EXOSC7: variants seen among roughly 807,000 people sequenced by gnomAD.
The protein encoded by EXOSC7 is exosome complex component RRP42.
EXOSC7 carries 25 observed loss-of-function variants against 34.3 expected under a neutral mutation model. That is an observed-to-expected ratio of 0.73 (90% CI 0.53 to 1.02). The LOEUF (loss-of-function observed/expected upper bound fraction) is 1.02, where lower values mean the gene tolerates loss of function less well. Ranked by LOEUF, EXOSC7 falls within the 50% of genes least tolerant of loss-of-function variation. EXOSC7 has a pLI of 0.00. For missense variants in EXOSC7, 370 were observed against 368.5 expected, an observed-to-expected ratio of 1.00 and a Z score of -0.03; for synonymous variants, 130 against 143.0, an observed-to-expected ratio of 0.91 and a Z score of 0.65.
intron 3 of EXOSC7, among the ~76,000 whole-genome samples, chr3:44,995,564 G>A (rs554854378): frequency 1.1e-4 from 16 of 152,300 alleles, no homozygotes; most frequent in South Asian, 2.1e-4. Flanking sequence ...GAAACAGGTT[G>A]TGTTTTGCTG....
chr3:44,980,469 G>A (rs918095168), intron 1 of EXOSC7, among the ~76,000 whole-genome samples: 7 of 150,860 alleles, frequency 4.6e-5, no homozygotes, highest in African/African-American at 1.5e-4. Context: ...AACTGAGCTC[G>A]GGCAGGTTGA....
intron 1 of EXOSC7, among the ~76,000 whole-genome samples, chr3:44,976,617 C>T (rs1267029085): frequency 6.6e-6 from 1 of 152,182 alleles, no homozygotes; most frequent in Non-Finnish European, 1.5e-5. Context: ...AGAGCATCGG[C>T]CCCAGGGCCA....
intron 1 of EXOSC7, among the ~76,000 whole-genome samples, chr3:44,984,526 G>C (rs1706355448): frequency 6.6e-6 from 1 of 151,942 alleles, no homozygotes; most frequent in Non-Finnish European, 1.5e-5. Context: ...TGGCCAGCCA[G>C]TTCATCCTGT....
intron 1 of EXOSC7, among the ~76,000 whole-genome samples, chr3:44,980,886 C>T (rs183912079): frequency 4.0e-4 from 61 of 152,310 alleles, no homozygotes; most frequent in African/African-American, 1.3e-3. Flanking sequence ...GTATCATAAA[C>T]GATTTACTCT....
chr3:44,976,608 G>A (rs1488146301), intron 1 of EXOSC7, among the ~76,000 whole-genome samples: 1 of 152,204 alleles, frequency 6.6e-6, no homozygotes, highest in African/African-American at 2.4e-5. Context: ...CTTAGTGAGA[G>A]AGCATCGGCC....
intron 3 of EXOSC7, 69 bp downstream of exon 3, chr3:44,989,713 C>T: frequency 7.7e-7 from 1 of 1,298,830 alleles, no homozygotes; most frequent in East Asian, 2.5e-5. Flanking sequence ...GAAAATGAAC[C>T]TCTGGTTTGC....
intron 7 of EXOSC7, among the ~76,000 whole-genome samples, chr3:45,008,666 C>T (rs1445818869): frequency 6.6e-6 from 1 of 152,206 alleles, no homozygotes; most frequent in Non-Finnish European, 1.5e-5. Context: ...CCTGATATGT[C>T]ATCAGTTCTC....
intron 1 of EXOSC7, 115 bp from the exon 2 acceptor site, chr3:44,989,025 C>T: frequency 1.5e-6 from 1 of 649,436 alleles, no homozygotes; most frequent in Non-Finnish European, 2.7e-6. Context: ...AGATGATCCA[C>T]TAAGAGGAAA....
intron 1 of EXOSC7, among the ~76,000 whole-genome samples, chr3:44,984,112 C>T (rs1023157565): frequency 3.3e-5 from 5 of 152,166 alleles, no homozygotes; most frequent in African/African-American, 1.2e-4. Flanking sequence ...CAGCCCCTTC[C>T]TGGACCAAGT....
At chr3:45,001,704 T>C in intron 5 of EXOSC7, 96 bp downstream of exon 5, 1 of 871,970 alleles carries the variant, frequency 1.1e-6, no homozygotes, top group South Asian at 1.4e-5. Context: ...AGCTCATATG[T>C]GAAGATAACA....
chr3:45,010,459 C>T (rs1232059574), intron 7 of EXOSC7, among the ~76,000 whole-genome samples: 1 of 152,158 alleles, frequency 6.6e-6, no homozygotes, highest in Non-Finnish European at 1.5e-5. Flanking sequence ...GTTGCCCAGT[C>T]TGGTCTTGAT....
chr3:44,988,852 G>T (rs1706490870), intron 1 of EXOSC7, among the ~76,000 whole-genome samples: 1 of 152,164 alleles, frequency 6.6e-6, no homozygotes, highest in Non-Finnish European at 1.5e-5. Context: ...ATTCTATATA[G>T]TGGTATGTAG....
At chr3:44,995,278 T>C (rs1706691676) in intron 3 of EXOSC7, among the ~76,000 whole-genome samples, 1 of 152,164 alleles carries the variant, frequency 6.6e-6, no homozygotes, top group African/African-American at 2.4e-5. Flanking sequence ...CCACCACGCC[T>C]GGCCAGGGGC....
Position 44,997,250 on chromosome 3 carries a change from C to T in EXOSC7, c.418C>T (p.Leu140=). The part of the protein sequence containing the change: ...EHCWVLYVDV[L]LLECGGNLFD... ...CTGCTGGGTTCTCTATGTGGATGTG[C>T]TGGTGAGTATCATCGTGCTGTACTG... The change falls in exon 4 of 8, where the codon CTG becomes TTG. Residue 140 remains leucine (L), a splice_region_variant and synonymous_variant. Transcript: ENST00000265564. 1 of 1,613,606 alleles carries T rather than the reference C, an allele frequency of 6.2e-7. No individual in the cohort carries two copies. Among genetic ancestry groups the T allele is most frequent in the Non-Finnish European group, 8.5e-7 (1 of 1,179,756 alleles).
chr3:44,977,993 T>C (rs1706158115), intron 1 of EXOSC7, among the ~76,000 whole-genome samples: 2 of 152,222 alleles, frequency 1.3e-5, no homozygotes, highest in Non-Finnish European at 2.9e-5. Flanking sequence ...TACCAACATA[T>C]ATCTAGCTCC....
intron 3 of EXOSC7, among the ~76,000 whole-genome samples, chr3:44,993,230 C>A (rs530924116): frequency 5.3e-5 from 8 of 152,294 alleles, no homozygotes; most frequent in African/African-American, 1.9e-4. Context: ...AATATACTTA[C>A]TATTGGTCTG....
At chr3:44,988,269 G>A (rs1170025885) in intron 1 of EXOSC7, among the ~76,000 whole-genome samples, 1 of 152,162 alleles carries the variant, frequency 6.6e-6, no homozygotes, top group Non-Finnish European at 1.5e-5. Context: ...AGCCCCCAGT[G>A]GCCAAATTTG....
intron 1 of EXOSC7, among the ~76,000 whole-genome samples, chr3:44,984,009 T>A (rs1337455690): frequency 6.6e-6 from 1 of 152,252 alleles, no homozygotes; most frequent in Non-Finnish European, 1.5e-5. Context: ...ATTTATCTTT[T>A]ACTTATCACC....
At chr3:45,006,109 G>C (rs1707031711) in intron 6 of EXOSC7, among the ~76,000 whole-genome samples, 1 of 100,400 alleles carries the variant, frequency 1.0e-5, no homozygotes, top group Non-Finnish European at 1.8e-5. Context: ...AGACAGTCTT[G>C]CTGCAACGCC....
Sources: gnomAD v4.1 joint callset for allele counts (sites outside exome capture counted in the v4.1 genomes callset) on GRCh38, gnomAD v4.1.1 for gene constraint, MANE v1.5 for transcripts, NCBI Gene and HGNC (gene_info 2026-07-23, HGNC 2026-07-21) for gene names.